The following AGFG1 variants were observed in gnomAD, a reference collection of about 807,000 sequenced individuals.
AGFG1 encodes arf-GAP domain and FG repeat-containing protein 1.
Under a neutral mutation model 60.6 loss-of-function variants are expected in AGFG1, and 10 were observed. The observed-to-expected ratio is 0.16, with a 90% CI of 0.10 to 0.28. The LOEUF is 0.28. AGFG1 is among the 10% of genes least tolerant of loss of function. The pLI is 1.00. For missense variants in AGFG1, 537 were observed against 676.5 expected, an observed-to-expected ratio of 0.79 and a Z score of 2.29; for synonymous variants, 247 against 242.9, an observed-to-expected ratio of 1.02 and a Z score of -0.16.
intron 2 of AGFG1, among the ~76,000 whole-genome samples, chr2:227,492,481 A>G (rs1308475214): frequency 2.0e-5 from 3 of 152,028 alleles, no homozygotes; most frequent in Admixed American, 6.6e-5. Flanking sequence ...AAAGTAAGTT[A>G]AATATTAAAA....
chr2:227,533,356 A>G (rs1273290089), intron 6 of AGFG1, among the ~76,000 whole-genome samples, 193 bp from the exon 7 acceptor site: 1 of 152,214 alleles, frequency 6.6e-6, no homozygotes, highest in Non-Finnish European at 1.5e-5. Flanking sequence ...ACCTGTTGCC[A>G]AGGCCTTTGA....
rs144327481 is a variant in AGFG1, at chr2:227,472,605, C to T, written c.167+17C>T. 0.042 allele frequency: 65,116 copies of T among 1,542,540 alleles called. 1,595 individuals are homozygous for T. Among genetic ancestry groups the T allele is most frequent in the Non-Finnish European group, 0.045 (51,855 of 1,142,228 alleles). ...CGGCAGCCTGTGAGTGCGGGGCGGC[C>T]GGGCGGGTGTCGGGCCCTTCCCGGG... On this transcript the variant is annotated intron_variant, in intron 1 of 12. Coordinates refer to ENST00000310078, the MANE Select transcript of AGFG1 (RefSeq NM_004504.5).
intron 10 of AGFG1, among the ~76,000 whole-genome samples, chr2:227,543,979 C>G (rs1252367273): frequency 6.6e-6 from 1 of 152,066 alleles, no homozygotes; most frequent in Non-Finnish European, 1.5e-5. Context: ...TCTGTTTTAT[C>G]AGAGACTAGG....
At chr2:227,532,261 A>G (rs1575103600) in intron 6 of AGFG1, 20 of 1,392,212 alleles carry the variant, frequency 1.4e-5, no homozygotes, top group Admixed American at 7.0e-5. Flanking sequence ...TATTTTTGCT[A>G]TACTTCAAGG....
Position 227,507,593 on chromosome 2 carries a change from ACT to A in AGFG1, c.262-12352_262-12351del, listed in dbSNP as rs552100370. Among the ~76,000 whole-genome samples the A allele has an allele frequency of 1.3e-3, 121 of 93,714 alleles. 1 individual carries two copies. Among genetic ancestry groups the A allele is most frequent in the South Asian group, 5.2e-3 (12 of 2,314 alleles). The allele number at this position is 93,714 out of a possible 152,430, so 61.5% of individuals were successfully genotyped here. On this transcript the variant is annotated intron_variant, in intron 2 of 12. Coordinates refer to ENST00000310078, the MANE Select transcript of AGFG1 (RefSeq NM_004504.5). ...ACTGCAGCCTGGACGACAGAGCGAG[ACT>A]CTGTCTCAAAAAAAAAAAAAAAAAA...
chr2:227,540,831 G>A (rs891524995), intron 10 of AGFG1, among the ~76,000 whole-genome samples: 2 of 152,102 alleles, frequency 1.3e-5, no homozygotes, highest in African/African-American at 4.8e-5. Context: ...AAGTGTTCCT[G>A]TTTCTCCACA....
chr2:227,473,385 A>C (rs1690178024), intron 1 of AGFG1, among the ~76,000 whole-genome samples: 1 of 152,156 alleles, frequency 6.6e-6, no homozygotes, highest in Non-Finnish European at 1.5e-5. Flanking sequence ...GTGTGATTCT[A>C]AATATGATGG....
intron 10 of AGFG1, among the ~76,000 whole-genome samples, chr2:227,547,046 C>T (rs1483743148): frequency 1.3e-5 from 2 of 152,106 alleles, no homozygotes; most frequent in African/African-American, 4.8e-5. Flanking sequence ...ATATTAATAC[C>T]CAGAATGCTT....
At chr2:227,472,798 C>T (rs1276612013) in intron 1 of AGFG1, among the ~76,000 whole-genome samples, 1 of 130,762 alleles carries the variant, frequency 7.6e-6, no homozygotes, top group East Asian at 2.7e-4. Context: ...GATGCGTTTT[C>T]GGTTTTGCCG....
At chr2:227,499,639 CAAA>C (rs34358491) in intron 2 of AGFG1, among the ~76,000 whole-genome samples, 2 of 98,504 alleles carry the variant, frequency 2.0e-5, no homozygotes, top group Non-Finnish European at 4.3e-5. Context: ...GACTCTGTCT[CAAA>C]AAAAAAAAAA....
chr2:227,525,213 C>T (rs1463844097), intron 5 of AGFG1, among the ~76,000 whole-genome samples: 1 of 152,122 alleles, frequency 6.6e-6, no homozygotes, highest in African/African-American at 2.4e-5. Context: ...GATACTCTAA[C>T]GTTTATGTGC....
At chr2:227,523,093 A>T (rs1012147317) in intron 3 of AGFG1, among the ~76,000 whole-genome samples, 8 of 152,168 alleles carry the variant, frequency 5.3e-5, no homozygotes, top group Non-Finnish European at 7.4e-5. Flanking sequence ...ATTCTTAAGG[A>T]TGTTTCTGGA....
At chr2:227,497,922 C>G (rs1691033666) in intron 2 of AGFG1, among the ~76,000 whole-genome samples, 1 of 151,182 alleles carries the variant, frequency 6.6e-6, no homozygotes. Context: ...TTTGCTAGGA[C>G]TCAAAAAAAT....
intron 2 of AGFG1, among the ~76,000 whole-genome samples, chr2:227,499,059 ATTATTT>A (rs1376933051): frequency 1.3e-5 from 2 of 152,154 alleles, no homozygotes; most frequent in Non-Finnish European, 2.9e-5. Context: ...CTGTCTTTTT[ATTATTT>A]TTAAGCAAAT....
rs142356890 is a variant in AGFG1 at position 227,522,679 on chromosome 2, A to AC, written c.378-1083dup. On this transcript the variant is annotated intron_variant, in intron 3 of 12. Coordinates refer to ENST00000310078, the MANE Select transcript of AGFG1 (RefSeq NM_004504.5). The stretch of plus-strand genomic sequence containing the variant: ...TGGGATTTGAACTCTTGTCTCTGGA[A>AC]CAGGTGCTCTTAAGCATGGTTTTCC... Among the ~76,000 whole-genome samples, 1,041 of 152,310 alleles carry AC rather than the reference A, an allele frequency of 6.8e-3. 21 individuals are homozygous for AC. The highest frequency in any genetic ancestry group is 0.024 in the African/African-American group (996 of 41,570).
chr2:227,484,774 G>A (rs1408102718), intron 1 of AGFG1, among the ~76,000 whole-genome samples: 1 of 140,052 alleles, frequency 7.1e-6, no homozygotes, highest in East Asian at 2.2e-4. Flanking sequence ...TACGATCTTG[G>A]CTCACTGTAA....
chr2:227,491,449 A>G (rs934175340), intron 1 of AGFG1, 98 bp from the exon 2 acceptor site: 9 of 715,838 alleles, frequency 1.3e-5, no homozygotes, highest in Non-Finnish European at 1.8e-5. Context: ...CACTGTTTCA[A>G]GTTTGTGTGT....
chr2:227,474,922 G>C (rs956565858), intron 1 of AGFG1, among the ~76,000 whole-genome samples: 1 of 152,120 alleles, frequency 6.6e-6, no homozygotes, highest in Non-Finnish European at 1.5e-5. Flanking sequence ...TCCCTTGTAA[G>C]TTTTGGATGT....
intron 2 of AGFG1, among the ~76,000 whole-genome samples, chr2:227,508,032 A>C (rs961322349): frequency 1.3e-5 from 2 of 150,852 alleles, no homozygotes; most frequent in African/African-American, 4.9e-5. Context: ...CCTGTGAGCC[A>C]CCCGTGTATT....
Sources: gnomAD v4.1 joint callset for allele counts (sites outside exome capture counted in the v4.1 genomes callset) on GRCh38, gnomAD v4.1.1 for gene constraint, MANE v1.5 for transcripts, NCBI Gene and HGNC (gene_info 2026-07-23, HGNC 2026-07-21) for gene names.